The following PLXNB1 variants were observed in gnomAD, a reference collection of about 807,000 sequenced individuals.
PLXNB1 encodes plexin-B1.
Under a neutral mutation model 209.4 loss-of-function variants are expected in PLXNB1, and 106 were observed. That is an observed-to-expected ratio of 0.51 (90% CI 0.43 to 0.59). The LOEUF is 0.59. Ranked by LOEUF, PLXNB1 falls within the 20% of genes least tolerant of loss-of-function variation. The pLI is 0.00. For missense variants in PLXNB1, 2,357 were observed against 2,853.2 expected (o/e 0.83, Z 3.96); for synonymous variants, 1,167 against 1,183.2 (o/e 0.99, Z 0.28).
Position 48,422,091 on chromosome 3 carries a change from G to A in PLXNB1, c.1520+14C>T. The A allele has an allele frequency of 1.9e-6, 3 of 1,606,516 alleles. No individual in the cohort carries two copies. Among genetic ancestry groups the A allele is most frequent in the Non-Finnish European group, 2.6e-6 (3 of 1,173,252 alleles). ...GGCTTGAGGCTGGGGCTGGGATGGG[G>A]TCAGAAATCTGACCTGCCAAGGAGC... On this transcript the variant is annotated intron_variant, in intron 6 of 37. Coordinates refer to ENST00000296440, the MANE Select transcript of PLXNB1 (RefSeq NM_001130082.3).
rs1039548834 is a variant in PLXNB1, at chr3:48,424,206, G to A, written c.406C>T (p.Arg136Trp). ...QLEQLLLRPE[R>W]PGDTQYVAAN... ...GCCACATATTGTGTGTCCCCAGGCC[G>A]CTCTGGCCGCAGCAGCAGCTGCTCG... Residue 136 changes from arginine (R) to tryptophan (W), a missense_variant, in exon 3 of 38, where the codon CGG (arginine) becomes TGG (tryptophan). Physicochemically the swap from Arg to Trp is moderately radical, Grantham distance 101. This residue lies in a region of PLXNB1 where 404 missense variants were observed against 443.6 expected (regional missense o/e 0.91). Transcript: ENST00000296440. 2.3e-5 allele frequency: 37 copies of A among 1,597,256 alleles called. No individual in the cohort carries two copies. The highest frequency in any genetic ancestry group is 1.4e-4 in the East Asian group (6 of 44,390).
At position 48,419,731 on chromosome 3, in the gene PLXNB1, G is replaced by T. The variant is rs1425384726; in HGVS notation, c.2555C>A (p.Ala852Glu). 1.9e-6 allele frequency: 3 copies of T among 1,610,816 alleles called. No homozygotes were observed. The highest frequency in any genetic ancestry group is 2.5e-6 in the Non-Finnish European group (3 of 1,179,334). ...TGCGTCACCCCCCGTCCACTCGTCC[G>T]CCTCGGGCAGCTCGCCGCCTTCTCT... Reference protein sequence around the residue: ...LTREGGELPEADEWTGGDAPA... With the variant: ...LTREGGELPEEDEWTGGDAPA... Residue 852 changes from alanine (A) to glutamate (E), a missense_variant, in exon 11 of 38, where the codon GCG becomes GAG. Around this residue, in one of 7 missense-constraint regions of PLXNB1, gnomAD observed 410 missense variants for 401.0 expected, o/e 1.02. Coordinates refer to ENST00000296440, the MANE Select transcript of PLXNB1 (RefSeq NM_001130082.3). The surrounding 1 kb of genome is among the most constrained non-coding windows in gnomAD (Gnocchi z 5.7).
chr3:48,418,133 C>G lies in PLXNB1; in HGVS notation c.3222+58G>C. ...AGCCCCAACCTCCCACCTTTGGGCC[C>G]CCACACCCTCCCTCTAAGGGCAGCA... On this transcript the variant is annotated intron_variant, in intron 15 of 37. Transcript: ENST00000296440. The surrounding 1 kb of genome is among the most constrained non-coding windows in gnomAD (Gnocchi z 6.6). 1 of 1,607,918 alleles carries G rather than the reference C, an allele frequency of 6.2e-7. No homozygotes were observed. Among genetic ancestry groups the G allele is most frequent in the Non-Finnish European group, 8.5e-7 (1 of 1,176,086 alleles).
chr3:48,426,372 T>C (rs1431342083), intron 1 of PLXNB1, among the ~76,000 whole-genome samples: 1 of 152,226 alleles, frequency 6.6e-6, no homozygotes, highest in Admixed American at 6.5e-5. Flanking sequence ...GGTGAAGTGC[T>C]GGGACAGACA....
At position 48,419,192 on chromosome 3, in the gene PLXNB1, T is replaced by G. The variant is rs1157366526; in HGVS notation, c.2832+52A>C. The G allele has an allele frequency of 1.3e-6, 2 of 1,547,690 alleles. No homozygotes were observed. The highest frequency in any genetic ancestry group is 3.7e-5 in the Admixed American group (2 of 53,810). On this transcript the variant is annotated intron_variant, in intron 12 of 37. Coordinates refer to ENST00000296440, the MANE Select transcript of PLXNB1 (RefSeq NM_001130082.3). This position sits in a 1 kb window ranked among gnomAD's most constrained non-coding sequence, Gnocchi z 5.7. ...CTGCTCCCCAGGGCTTGTGCAGAGT[T>G]TCTCAACAGCTAAGGAGGCTGCAAG...
intron 4 of PLXNB1, 92 bp downstream of exon 4, chr3:48,422,673 G>T: frequency 7.2e-7 from 1 of 1,397,220 alleles, no homozygotes. Flanking sequence ...CCTGGCCCAG[G>T]GGTCACAGGG....
chr3:48,421,592 C>T (rs936195058), intron 7 of PLXNB1, 82 bp downstream of exon 7: 7 of 1,392,746 alleles, frequency 5.0e-6, no homozygotes, highest in East Asian at 2.4e-5. Context: ...CTGGCATGTC[C>T]GACATCAGGA....
At position 48,423,742 on chromosome 3, in the gene PLXNB1, C is replaced by T; in HGVS notation, c.870G>A (p.Gly290=). 6.2e-7 allele frequency: 1 copy of T among 1,613,878 alleles called. No individual in the cohort carries two copies. Among genetic ancestry groups the T allele is most frequent in the Non-Finnish European group, 8.5e-7 (1 of 1,179,966 alleles). The change falls in exon 3 of 38, where the codon GGG becomes GGA. Residue 290 remains glycine, a synonymous_variant. Transcript: ENST00000296440. ...AGGAGAAAGCTGCAAAGAGCACCTC[C>T]CCATGCGCCACCTCCCTGGACGTGG... ...AVATSREVAH[G]EVLFAAFSSA...
Position 48,413,802 on chromosome 3 carries a change from A to G in PLXNB1, c.4403T>C (p.Leu1468Ser). Residue 1468 changes from leucine to serine, a missense_variant, in exon 23 of 38, where the codon TTG becomes TCG. Leu to Ser is a moderately radical substitution (Grantham distance 145). Around this residue, in one of 7 missense-constraint regions of PLXNB1, gnomAD observed 743 missense variants for 896.2 expected, o/e 0.83. Transcript: ENST00000296440. This position sits in a 1 kb window ranked among gnomAD's most constrained non-coding sequence, Gnocchi z 5.4. ...CTGCACGTGACCCAGGGAGAAGCGC[A>G]AGTTCCCCATCTGCACCTGTGTCAG... ...LPEFTVQMGNLRFSLGHVQYD... is the reference protein window; with the variant it reads ...LPEFTVQMGNSRFSLGHVQYD... 1.2e-6 allele frequency: 2 copies of G among 1,613,516 alleles called. No individual in the cohort carries two copies. The highest frequency in any genetic ancestry group is 1.7e-6 in the Non-Finnish European group (2 of 1,179,788).
rs2037607517 is a variant in PLXNB1 at position 48,410,517 on chromosome 3, C to T, written c.5458G>A (p.Glu1820Lys). The change falls in exon 30 of 38, where the codon GAG becomes AAG. Residue 1820 changes from glutamate (E) to lysine (K), a missense_variant. By Grantham distance (56) the Glu-to-Lys change is moderately conservative. Around this residue, in one of 7 missense-constraint regions of PLXNB1, gnomAD observed 414 missense variants for 520.5 expected, o/e 0.80. Coordinates refer to ENST00000296440, the MANE Select transcript of PLXNB1 (RefSeq NM_001130082.3). This position sits in a 1 kb window ranked among gnomAD's most constrained non-coding sequence, Gnocchi z 6.4. ...CCCTGGACCTCAGAAGTGACATCCT[C>T]GTCAGAAAGAATGAGGTGCCCGGCC... is the stretch of plus-strand genomic sequence containing the variant. ...GVAGHLILSD[E>K]DVTSEVQGLW... The T allele has an allele frequency of 3.1e-6, 5 of 1,613,912 alleles. No homozygotes were observed. Among genetic ancestry groups the T allele is most frequent in the South Asian group, 1.1e-5 (1 of 91,080 alleles).
rs746787122 is a variant in PLXNB1, at chr3:48,424,178, G to A, written c.434C>T (p.Ala145Val). The A allele has an allele frequency of 2.5e-6, 4 of 1,584,944 alleles. No homozygotes were observed. In the South Asian group the frequency reaches 4.6e-5, roughly 18 times the overall value. ...ERPGDTQYVA[A>V]NDPAVSTVGL... Reference sequence around the variant, plus strand: ...CACCGTGCTGACCGCAGGATCATTGGCAGCCACATATTGTGTGTCCCCAGG... The same window carrying A: ...CACCGTGCTGACCGCAGGATCATTGACAGCCACATATTGTGTGTCCCCAGG... The change falls in exon 3 of 38, where the codon GCC becomes GTC. Residue 145 changes from alanine (A) to valine (V), a missense_variant. Coordinates refer to ENST00000296440, the MANE Select transcript of PLXNB1 (RefSeq NM_001130082.3).
chr3:48,413,579 A>G lies in PLXNB1; in HGVS notation c.4535+91T>C. 3 of 1,323,944 alleles carry G rather than the reference A, an allele frequency of 2.3e-6. No individual in the cohort carries two copies. Among genetic ancestry groups the G allele is most frequent in the Non-Finnish European group, 3.1e-6 (3 of 974,184 alleles). 82.0% of individuals were successfully genotyped at this position (1,323,944 alleles called of 1,614,324 possible). On this transcript the variant is annotated intron_variant, in intron 23 of 37. Transcript: ENST00000296440. This position sits in a 1 kb window ranked among gnomAD's most constrained non-coding sequence, Gnocchi z 5.4. ...TTTACTCTCTGGCCATTTACAGAGA[A>G]TGTTTCCTGACTCCTGGCCCGGTCT...
intron 1 of PLXNB1, among the ~76,000 whole-genome samples, chr3:48,428,798 G>T (rs1238809552): frequency 6.6e-6 from 1 of 152,214 alleles, no homozygotes; most frequent in Non-Finnish European, 1.5e-5. Flanking sequence ...ATGTCTGTGT[G>T]TGGAGAGGAG....
intron 1 of PLXNB1, among the ~76,000 whole-genome samples, chr3:48,427,168 G>A (rs895445271): frequency 2.6e-5 from 4 of 151,854 alleles, no homozygotes; most frequent in African/African-American, 9.7e-5. Context: ...AGCCTTGGGA[G>A]ATGAAAAAAT....
At chr3:48,408,400 C>T (rs1161486697) in intron 34 of PLXNB1, among the ~76,000 whole-genome samples, 2 of 152,160 alleles carry the variant, frequency 1.3e-5, no homozygotes, top group Non-Finnish European at 2.9e-5. Flanking sequence ...CTAAGCAGAG[C>T]CCCACTCATG....
rs530296263 is a variant in PLXNB1, at chr3:48,418,759, G to T, written c.2955+158C>A. Among the ~76,000 whole-genome samples, 1 of 152,242 alleles carries T rather than the reference G, an allele frequency of 6.6e-6. No homozygotes were observed. Among genetic ancestry groups the T allele is most frequent in the Admixed American group, 6.5e-5 (1 of 15,300 alleles). ...GAGCTGGGATGCAAGGACTCCACGG[G>T]GCACATGGTCAGAGGTCAGAAATGG... On this transcript the variant is annotated intron_variant, in intron 13 of 37. Coordinates refer to ENST00000296440, the MANE Select transcript of PLXNB1 (RefSeq NM_001130082.3). The surrounding 1 kb of genome is among the most constrained non-coding windows in gnomAD (Gnocchi z 6.6).
At chr3:48,407,292 T>C (rs1166437512) in intron 34 of PLXNB1, among the ~76,000 whole-genome samples, 2 of 151,832 alleles carry the variant, frequency 1.3e-5, no homozygotes, top group African/African-American at 4.8e-5. Context: ...CCTCTGCTGC[T>C]CCCTCCCTTC....
chr3:48,406,959 C>T lies in PLXNB1; in HGVS notation c.6153-61G>A. 5 of 1,608,166 alleles carry T rather than the reference C, an allele frequency of 3.1e-6. No individual in the cohort carries two copies. The highest frequency in any genetic ancestry group is 8.5e-7 in the Non-Finnish European group (1 of 1,174,806). On this transcript the variant is annotated intron_variant, in intron 35 of 37. Transcript: ENST00000296440. The surrounding 1 kb of genome is among the most constrained non-coding windows in gnomAD (Gnocchi z 4.4). ...AACAAGCCCACTCCCCTGCTCCCAA[C>T]CAGAGCCCACCCCCCAAGCCTCAGC...
chr3:48,421,145 T>C, intron 8 of PLXNB1, 83 bp downstream of exon 8: 1 of 1,502,574 alleles, frequency 6.7e-7, no homozygotes, highest in Non-Finnish European at 9.1e-7. Flanking sequence ...TCATGGCTCT[T>C]TGCCTGGATT....
Sources: allele counts gnomAD v4.1 joint callset (sites outside exome capture counted in the v4.1 genomes callset), GRCh38; gene constraint gnomAD v4.1.1; regional missense constraint gnomAD v4.1.1; non-coding constraint Gnocchi (gnomAD v3.1); transcripts MANE v1.5; gene names NCBI Gene and HGNC (gene_info 2026-07-23, HGNC 2026-07-21).